SLMAP: variants seen among roughly 807,000 people sequenced by gnomAD.
The protein encoded by SLMAP is sarcolemmal membrane-associated protein.
Under a neutral mutation model 128.8 loss-of-function variants are expected in SLMAP, and 44 were observed. That is an observed-to-expected ratio of 0.34 (90% CI 0.27 to 0.44). SLMAP has a LOEUF of 0.44. Ranked by LOEUF, SLMAP falls within the 20% of genes least tolerant of loss-of-function variation. The pLI is 1.00. For missense variants in SLMAP, 787 were observed against 985.3 expected (o/e 0.80, Z 2.69); for synonymous variants, 327 against 348.8 (o/e 0.94, Z 0.70).
chr3:57,927,046 A>T (rs1455793057), intron 24 of SLMAP, among the ~76,000 whole-genome samples: 1 of 152,214 alleles, frequency 6.6e-6, no homozygotes, highest in East Asian at 1.9e-4. Context: ...AACTGTAACA[A>T]AGTTGAAAAC....
chr3:57,853,960 T>C (rs1432410416), intron 6 of SLMAP, among the ~76,000 whole-genome samples: 1 of 59,798 alleles, frequency 1.7e-5, no homozygotes, highest in Non-Finnish European at 3.1e-5. Context: ...AAAAATTATA[T>C]ATATATATAT....
chr3:57,855,864 TA>T (rs1287369496), intron 6 of SLMAP, among the ~76,000 whole-genome samples: 1 of 151,748 alleles, frequency 6.6e-6, no homozygotes, highest in Non-Finnish European at 1.5e-5. Context: ...TCCAACATGG[TA>T]AAACGCCGTC....
intron 3 of SLMAP, among the ~76,000 whole-genome samples, chr3:57,838,550 G>T (rs1402890619): frequency 6.6e-6 from 1 of 152,202 alleles, no homozygotes; most frequent in African/African-American, 2.4e-5. Flanking sequence ...TCAAAGAGTT[G>T]AATCTAATTG....
At chr3:57,925,109 C>G (rs2096981618) in intron 23 of SLMAP, among the ~76,000 whole-genome samples, 1 of 151,682 alleles carries the variant, frequency 6.6e-6, no homozygotes, top group Non-Finnish European at 1.5e-5. Context: ...TGTGTGCCAC[C>G]ATGCTCAACT....
chr3:57,851,282 A>C (rs1379386521), intron 6 of SLMAP, among the ~76,000 whole-genome samples: 4 of 151,624 alleles, frequency 2.6e-5, no homozygotes, highest in Admixed American at 1.3e-4. Context: ...TAGAGCAGAT[A>C]CTGCTTCAAG....
Position 57,857,737 on chromosome 3 carries a change from C to G in SLMAP, c.524C>G (p.Ala175Gly), listed in dbSNP as rs773646953. ...TTTTGTGATTTGTAATACTAGGAGG[C>G]CTTACATCGGGAACAAATGTTGGAA... Reference protein sequence around the residue: ...LFQLSQYLQEALHREQMLEQK... With the variant: ...LFQLSQYLQEGLHREQMLEQK... Residue 175 changes from alanine to glycine, a missense_variant, in exon 7 of 25, where the codon GCC becomes GGC. Coordinates refer to ENST00000671191, the MANE Select transcript of SLMAP (RefSeq NM_001377540.1). The G allele has an allele frequency of 8.7e-6, 14 of 1,604,370 alleles. No individual in the cohort carries two copies. The highest frequency in any genetic ancestry group is 4.4e-5 in the South Asian group (4 of 90,882).
intron 14 of SLMAP, among the ~76,000 whole-genome samples, chr3:57,874,655 T>C (rs2095561399): frequency 6.6e-6 from 1 of 150,972 alleles, no homozygotes; most frequent in Admixed American, 6.6e-5. Context: ...AGGTCAGGAG[T>C]TCAAGACCAG....
At chr3:57,758,653 T>C (rs2078038561) in intron 2 of SLMAP, among the ~76,000 whole-genome samples, 1 of 152,250 alleles carries the variant, frequency 6.6e-6, no homozygotes, top group African/African-American at 2.4e-5. Flanking sequence ...AATTCAGTGC[T>C]TTTCATTTTA....
intron 2 of SLMAP, among the ~76,000 whole-genome samples, chr3:57,825,377 A>G (rs1228394875): frequency 1.3e-5 from 2 of 151,900 alleles, no homozygotes; most frequent in Non-Finnish European, 2.9e-5. Flanking sequence ...TTGGTTTTTT[A>G]TAAATGCCCT....
At chr3:57,896,685 G>A in intron 16 of SLMAP, 94 bp downstream of exon 16, 1 of 1,261,454 alleles carries the variant, frequency 7.9e-7, no homozygotes, top group South Asian at 1.5e-5. Flanking sequence ...GTATGTGTTT[G>A]GGGAAAAAAA....
At chr3:57,896,631 A>G (rs1325896991) in intron 16 of SLMAP, 40 bp downstream of exon 16, 2 of 1,483,430 alleles carry the variant, frequency 1.3e-6, no homozygotes, top group Non-Finnish European at 1.8e-6. Flanking sequence ...GCAGCTGTTA[A>G]TGGCAGTTTA....
intron 2 of SLMAP, among the ~76,000 whole-genome samples, chr3:57,804,407 T>G (rs543898148): frequency 6.6e-6 from 1 of 152,214 alleles, no homozygotes; most frequent in Non-Finnish European, 1.5e-5. Context: ...AAAATAAAAA[T>G]TTTCTATTTG....
intron 2 of SLMAP, among the ~76,000 whole-genome samples, chr3:57,802,823 T>G (rs1281970062): frequency 6.6e-6 from 1 of 152,234 alleles, no homozygotes; most frequent in African/African-American, 2.4e-5. Flanking sequence ...AACATTTGTG[T>G]ACAATTCTTT....
intron 2 of SLMAP, among the ~76,000 whole-genome samples, chr3:57,814,322 G>A (rs2091530459): frequency 1.3e-5 from 2 of 151,662 alleles, no homozygotes; most frequent in Admixed American, 1.3e-4. Context: ...TTGATTTTTT[G>A]TAGAGACAGG....
At chr3:57,830,033 T>C (rs1371248999) in intron 2 of SLMAP, among the ~76,000 whole-genome samples, 1 of 152,226 alleles carries the variant, frequency 6.6e-6, no homozygotes, top group Non-Finnish European at 1.5e-5. Flanking sequence ...ATATCTTTTT[T>C]TGTTTGTTTG....
At chr3:57,763,899 T>G (rs1485756420) in intron 2 of SLMAP, among the ~76,000 whole-genome samples, 2 of 152,226 alleles carry the variant, frequency 1.3e-5, no homozygotes, top group Admixed American at 6.5e-5. Context: ...GAGCTTTGCA[T>G]TTTCCAAATG....
intron 3 of SLMAP, among the ~76,000 whole-genome samples, chr3:57,839,397 G>A (rs1008453327): frequency 2.0e-5 from 3 of 150,338 alleles, no homozygotes; most frequent in East Asian, 1.9e-4. Context: ...ATGATTCGTC[G>A]GCCTGATCAT....
intron 2 of SLMAP, among the ~76,000 whole-genome samples, chr3:57,809,681 G>A (rs2090577664): frequency 6.6e-6 from 1 of 152,146 alleles, no homozygotes; most frequent in Non-Finnish European, 1.5e-5. Context: ...TGCCTTTTCC[G>A]GTCCCATTCA....
At chr3:57,802,085 A>G (rs2088604262) in intron 2 of SLMAP, among the ~76,000 whole-genome samples, 1 of 152,164 alleles carries the variant, frequency 6.6e-6, no homozygotes, top group Non-Finnish European at 1.5e-5. Flanking sequence ...TTTACATTCC[A>G]TAAAATTCAC....
Sources: allele counts gnomAD v4.1 joint callset (sites outside exome capture counted in the v4.1 genomes callset), GRCh38; gene constraint gnomAD v4.1.1; transcripts MANE v1.5; gene names NCBI Gene and HGNC (gene_info 2026-07-23, HGNC 2026-07-21).